The following GSAP variants were observed in gnomAD, a reference collection of about 807,000 sequenced individuals.
The protein encoded by GSAP is gamma-secretase-activating protein.
Under a neutral mutation model 131.7 loss-of-function variants are expected in GSAP, and 118 were observed. The ratio of observed to expected loss-of-function variants is 0.90; its 90% confidence interval spans 0.77 to 1.04. The LOEUF (loss-of-function observed/expected upper bound fraction) is 1.04. Among genes scored for constraint, GSAP ranks in the 50% least tolerant of loss-of-function variants. The pLI is 0.00. For synonymous variants in GSAP, 381 were observed against 363.4 expected, an observed-to-expected ratio of 1.05 and a Z score of -0.55; for missense variants, 1,019 against 1,013.2, an observed-to-expected ratio of 1.01 and a Z score of -0.08.
At chr7:77,317,124 C>G (rs1795048073) in intron 26 of GSAP, among the ~76,000 whole-genome samples, 1 of 151,912 alleles carries the variant, frequency 6.6e-6, no homozygotes, top group Non-Finnish European at 1.5e-5. Flanking sequence ...CCTCCCCCCT[C>G]TATTTCCATG....
At chr7:77,332,688 T>G (rs1789341871) in intron 19 of GSAP, among the ~76,000 whole-genome samples, 1 of 152,190 alleles carries the variant, frequency 6.6e-6, no homozygotes, top group Admixed American at 6.5e-5. Context: ...AAATTTACAC[T>G]TAAGTAAGAA....
At position 77,377,237 on chromosome 7, in the gene GSAP, TAAAAAAAAA is replaced by T. The variant is rs533755073; in HGVS notation, c.681+40_681+48del. 3.7e-5 allele frequency: 33 copies of T among 894,438 alleles called. 3 individuals are homozygous for T. In the South Asian group the frequency reaches 9.4e-4, roughly 26 times the overall value. 55.4% of individuals were successfully genotyped at this position (894,438 alleles called of 1,614,324 possible). On this transcript the variant is annotated intron_variant, in intron 9 of 30. Transcript: ENST00000257626. Reference sequence around the variant, plus strand: ...GTCTCTAAAAAAATTAATATTTTTGTAAAAAAAAAAAAAAAAAAAAAGGAGTGCCCGTGA... The same window carrying T: ...GTCTCTAAAAAAATTAATATTTTTGTAAAAAAAAAAAAGGAGTGCCCGTGA...
chr7:77,346,027 T>C (rs915848495), intron 19 of GSAP, among the ~76,000 whole-genome samples: 1 of 152,096 alleles, frequency 6.6e-6, no homozygotes, highest in African/African-American at 2.4e-5. Flanking sequence ...ATGTTCACTT[T>C]GGGAGGCCGA....
At chr7:77,397,466 A>C (rs774517446) in intron 3 of GSAP, 51 bp from the exon 4 acceptor site, 1 of 974,904 alleles carries the variant, frequency 1.0e-6, no homozygotes, top group South Asian at 1.4e-5. Context: ...ATTAAATAAC[A>C]ATTGTATGAA....
In GSAP at chr7:77,396,878, A is replaced by G. The variant is rs548361883; in HGVS notation, c.367+104T>C. ...TTTGCCTTTTATTCTGAGATACGATAAGGCTATTTCTAAAGATGCTTGAAA... is the reference window on the plus strand; with the variant it reads ...TTTGCCTTTTATTCTGAGATACGATGAGGCTATTTCTAAAGATGCTTGAAA... On this transcript the variant is annotated intron_variant, in intron 5 of 30. Transcript: ENST00000257626. 17 of 637,050 alleles carry G rather than the reference A, an allele frequency of 2.7e-5. No homozygotes were observed. In the East Asian group the frequency reaches 4.4e-4, roughly 16 times the overall value. The allele number at this position is 637,050 out of a possible 1,614,324, so 39.5% of individuals were successfully genotyped here.
rs778735743 is a variant in GSAP, at chr7:77,328,595, T to C, written c.1765+11A>G. 1.2e-6 allele frequency: 2 copies of C among 1,611,100 alleles called. No homozygotes were observed. Among genetic ancestry groups the C allele is most frequent in the South Asian group, 1.1e-5 (1 of 90,466 alleles). ...GGAACCCAGAAGGCTTTATTACAGA[T>C]CTTTTCTTACCCAAATTTCTTGCTT... is the stretch of plus-strand genomic sequence containing the variant. On this transcript the variant is annotated intron_variant, in intron 22 of 30. Transcript: ENST00000257626.
At chr7:77,416,432 C>T, upstream of GSAP, 1 of 528,258 alleles carries the variant, frequency 1.9e-6, no homozygotes, top group Non-Finnish European at 3.2e-6. Flanking sequence ...TTTCCTCTCC[C>T]CCGCCCCCTG....
At chr7:77,416,580 A>G, upstream of GSAP, 1 of 340,060 alleles carries the variant, frequency 2.9e-6, no homozygotes, top group East Asian at 4.6e-5. Flanking sequence ...CGCCAGGACC[A>G]GGCCCGCCGG....
chr7:77,312,409 GAA>G, intron 28 of GSAP, among the ~76,000 whole-genome samples: 1 of 152,144 alleles, frequency 6.6e-6, no homozygotes. Flanking sequence ...CTACATTGAG[GAA>G]AGTGGTTTAT....
intron 26 of GSAP, among the ~76,000 whole-genome samples, chr7:77,319,131 A>G (rs1279819002): frequency 6.6e-6 from 1 of 152,150 alleles, no homozygotes; most frequent in African/African-American, 2.4e-5. Context: ...CAGGATGACA[A>G]AAAGTGTTTG....
Position 77,360,885 on chromosome 7 carries a change from G to A in GSAP, c.966C>T (p.Phe322=), listed in dbSNP as rs1414654803. 6.3e-7 allele frequency: 1 copy of A among 1,598,830 alleles called. No homozygotes were observed. Among genetic ancestry groups the A allele is most frequent in the Admixed American group, 1.7e-5 (1 of 59,982 alleles). Residue 322 remains phenylalanine (F), a synonymous_variant, in exon 14 of 31, where the codon TTC becomes TTT. Coordinates refer to ENST00000257626, the MANE Select transcript of GSAP (RefSeq NM_017439.4). ...FYIHKGHSKT[F]TTSLENVGSH... is the part of the protein sequence containing the mutation. ...ACCCAACATTCTCAAGAGAAGTGGT[G>A]AAGGTCTTGCTGTGTCCTGCAAAGA...
chr7:77,347,221 CCT>C (rs2150808371), intron 19 of GSAP, among the ~76,000 whole-genome samples: 1 of 152,160 alleles, frequency 6.6e-6, no homozygotes, highest in South Asian at 2.1e-4. Context: ...AACATGTTTC[CCT>C]GAGTTCTGTG....
At chr7:77,407,043 C>A (rs905309287) in intron 1 of GSAP, among the ~76,000 whole-genome samples, 2 of 152,136 alleles carry the variant, frequency 1.3e-5, no homozygotes, top group Admixed American at 1.3e-4. Context: ...GAATCACAGG[C>A]ACAACTCATT....
intron 19 of GSAP, among the ~76,000 whole-genome samples, chr7:77,346,369 C>T (rs1235920082): frequency 6.8e-6 from 1 of 147,808 alleles, no homozygotes; most frequent in Non-Finnish European, 1.5e-5. Flanking sequence ...TAGGGACAAA[C>T]TAAATGTCCA....
intron 1 of GSAP, among the ~76,000 whole-genome samples, chr7:77,406,912 G>A (rs534129463): frequency 6.6e-6 from 1 of 152,304 alleles, no homozygotes; most frequent in East Asian, 1.9e-4. Flanking sequence ...AGGCGGTTTT[G>A]GTGGTTTAGA....
chr7:77,384,616 T>C (rs1396014411), intron 6 of GSAP, among the ~76,000 whole-genome samples: 1 of 152,144 alleles, frequency 6.6e-6, no homozygotes, highest in Non-Finnish European at 1.5e-5. Context: ...TGGAACTATC[T>C]TGAAGACACA....
intron 19 of GSAP, among the ~76,000 whole-genome samples, chr7:77,345,560 G>A (rs961029579): frequency 3.3e-5 from 5 of 152,180 alleles, no homozygotes; most frequent in Non-Finnish European, 5.9e-5. Flanking sequence ...AAAATGGCCG[G>A]TTTCTGCCTT....
chr7:77,314,050 T>C (rs10480627), intron 27 of GSAP, among the ~76,000 whole-genome samples: 7,172 of 152,220 alleles, frequency 0.047, 503 homozygotes, highest in African/African-American at 0.15. Flanking sequence ...ATCTAATAGT[T>C]GTATGTGGAT....
intron 19 of GSAP, among the ~76,000 whole-genome samples, chr7:77,345,655 A>G (rs1254031118): frequency 6.6e-6 from 1 of 152,218 alleles, no homozygotes; most frequent in Non-Finnish European, 1.5e-5. Context: ...CTCCTGGCTC[A>G]GAAGCTCCCC....
Sources: gnomAD v4.1 joint callset for allele counts (sites outside exome capture counted in the v4.1 genomes callset) on GRCh38, gnomAD v4.1.1 for gene constraint, MANE v1.5 for transcripts, NCBI Gene and HGNC (gene_info 2026-07-23, HGNC 2026-07-21) for gene names.